SCN11A: variants seen among roughly 807,000 people sequenced by gnomAD.
The protein encoded by SCN11A is sodium channel protein type 11 subunit alpha.
A neutral mutation model predicts 162.2 loss-of-function variants in SCN11A; 122 were observed. That is an observed-to-expected ratio of 0.75 (90% CI 0.65 to 0.87). The LOEUF is 0.87. SCN11A is among the 40% of genes least tolerant of loss of function. SCN11A has a pLI of 0.00. For synonymous variants in SCN11A, 758 were observed against 751.5 expected, an observed-to-expected ratio of 1.01 and a Z score of -0.14; for missense variants, 2,015 against 2,181.6, an observed-to-expected ratio of 0.92 and a Z score of 1.52.
At chr3:38,879,883 G>T in intron 23 of SCN11A, 67 bp downstream of exon 23, 1 of 1,294,228 alleles carries the variant, frequency 7.7e-7, no homozygotes, top group Non-Finnish European at 1.1e-6. Flanking sequence ...AGGAAAAGCA[G>T]CCTCCATATG....
chr3:38,849,257 CTTTTTTTTTTTTT>C (rs55781629), intron 29 of SCN11A: 13 of 69,866 alleles, frequency 1.9e-4, no homozygotes, highest in Admixed American at 1.1e-3. Context: ...TTTTCTAGCC[CTTTTTTTTTTTTT>C]TTTTTTTTTT....
At chr3:38,931,494 A>C (rs2066239880) in intron 7 of SCN11A, among the ~76,000 whole-genome samples, 1 of 152,234 alleles carries the variant, frequency 6.6e-6, no homozygotes, top group Non-Finnish European at 1.5e-5. Flanking sequence ...GGTGGAAGTG[A>C]CTGGAGACTG....
intron 9 of SCN11A, among the ~76,000 whole-genome samples, chr3:38,923,680 C>T (rs1031108637): frequency 2.0e-5 from 3 of 152,160 alleles, no homozygotes; most frequent in Admixed American, 1.3e-4. Context: ...GAGAGCACTG[C>T]CATCCCTTGC....
At chr3:38,948,785 T>C (rs988447875) in intron 5 of SCN11A, among the ~76,000 whole-genome samples, 2 of 152,228 alleles carry the variant, frequency 1.3e-5, no homozygotes, top group African/African-American at 4.8e-5. Context: ...TCTCCCGGAC[T>C]GTCAGCTGCA....
At position 38,880,094 on chromosome 3, in the gene SCN11A, T is replaced by A. The variant is rs200780813; in HGVS notation, c.3249A>T (p.Gln1083His). The change falls in exon 23 of 30, where the codon CAA becomes CAT. Residue 1083 changes from glutamine (Q) to histidine (H), a missense_variant. Coordinates refer to ENST00000302328, the MANE Select transcript of SCN11A (RefSeq NM_001349253.2). The part of the protein sequence containing the change: ...LIFEDVHLEN[Q>H]PKIQELLNCT... Reference sequence around the variant, plus strand: ...AATTTAGTAATTCTTGGATTTTGGGTTGGTTCTCAAGGTGAACATCTTCAA... The same window carrying A: ...AATTTAGTAATTCTTGGATTTTGGGATGGTTCTCAAGGTGAACATCTTCAA... 6.2e-7 allele frequency: 1 copy of A among 1,611,900 alleles called. No homozygotes were observed. Among genetic ancestry groups the A allele is most frequent in the South Asian group, 1.1e-5 (1 of 90,914 alleles).
intron 2 of SCN11A, among the ~76,000 whole-genome samples, chr3:39,007,008 G>A (rs1475849114): frequency 1.3e-5 from 2 of 151,952 alleles, no homozygotes; most frequent in Non-Finnish European, 2.9e-5. Flanking sequence ...CATAGAGAGA[G>A]AGAAAAAGAA....
Position 38,919,916 on chromosome 3 carries a change from A to G in SCN11A, c.959+19T>C. The G allele has an allele frequency of 6.3e-7, 1 of 1,594,512 alleles. No individual in the cohort carries two copies. Among genetic ancestry groups the G allele is most frequent in the Non-Finnish European group, 8.6e-7 (1 of 1,162,566 alleles). Reference sequence around the variant, plus strand: ...TAGAGGTACTCTTCTTGGGAGGAAAATGATTATAAACCTCTTACCTGTTAC... The same window carrying G: ...TAGAGGTACTCTTCTTGGGAGGAAAGTGATTATAAACCTCTTACCTGTTAC... On this transcript the variant is annotated intron_variant, in intron 11 of 29. Transcript: ENST00000302328.
intron 2 of SCN11A, among the ~76,000 whole-genome samples, chr3:39,026,413 G>A (rs1184496693): frequency 2.0e-5 from 3 of 152,134 alleles, no homozygotes; most frequent in South Asian, 2.1e-4. Context: ...CAACCTCGCC[G>A]GGTCGTGGGA....
chr3:38,919,436 A>G (rs927559855), intron 11 of SCN11A, among the ~76,000 whole-genome samples: 1 of 152,258 alleles, frequency 6.6e-6, no homozygotes, highest in Non-Finnish European at 1.5e-5. Context: ...GCTAACCTGA[A>G]GGAAAAAAGA....
intron 17 of SCN11A, among the ~76,000 whole-genome samples, chr3:38,899,575 G>GA (rs1017613034): frequency 6.6e-6 from 1 of 151,964 alleles, no homozygotes; most frequent in South Asian, 2.1e-4. Context: ...AGCTCCATGG[G>GA]AAAAAAAGAG....
chr3:38,952,264 T>C (rs1302514119), intron 4 of SCN11A, among the ~76,000 whole-genome samples: 4 of 152,170 alleles, frequency 2.6e-5, no homozygotes, highest in Non-Finnish European at 5.9e-5. Flanking sequence ...TACTCTACCA[T>C]AGGATAATAG....
chr3:39,034,381 A>G (rs2031846932), intron 1 of SCN11A, among the ~76,000 whole-genome samples: 1 of 152,228 alleles, frequency 6.6e-6, no homozygotes, highest in Non-Finnish European at 1.5e-5. Flanking sequence ...ATGCTGAGAA[A>G]GCATTTGATA....
Position 38,909,295 on chromosome 3 carries a change from C to T in SCN11A, c.1102-101G>A. Reference sequence around the variant, plus strand: ...CACACAGTAGCAGACAACTGGTCTTCCCCCAGCACTGGTGGGCTCAGTTGA... The same window carrying T: ...CACACAGTAGCAGACAACTGGTCTTTCCCCAGCACTGGTGGGCTCAGTTGA... On this transcript the variant is annotated intron_variant, in intron 12 of 29. Transcript: ENST00000302328. 5 of 1,059,388 alleles carry T rather than the reference C, an allele frequency of 4.7e-6. No individual in the cohort carries two copies. In the South Asian group the frequency reaches 7.2e-5, roughly 15 times the overall value. 65.6% of individuals were successfully genotyped at this position (1,059,388 alleles called of 1,614,324 possible).
chr3:38,853,463 C>T (rs1239441484), intron 28 of SCN11A, among the ~76,000 whole-genome samples: 3 of 152,296 alleles, frequency 2.0e-5, no homozygotes, highest in African/African-American at 7.2e-5. Flanking sequence ...TTATCATTAA[C>T]CCTGTGGTCA....
At chr3:38,995,615 C>G (rs541615227) in intron 2 of SCN11A, among the ~76,000 whole-genome samples, 19 of 152,254 alleles carry the variant, frequency 1.2e-4, no homozygotes, top group Admixed American at 1.0e-3. Context: ...CCTGTTTGAG[C>G]TGGGACCTCA....
chr3:39,024,439 G>A (rs2031534406), intron 2 of SCN11A, among the ~76,000 whole-genome samples: 1 of 152,122 alleles, frequency 6.6e-6, no homozygotes, highest in South Asian at 2.1e-4. Flanking sequence ...CATCTTTATG[G>A]CCAGTGTTGG....
intron 2 of SCN11A, among the ~76,000 whole-genome samples, chr3:38,961,735 GT>G (rs922814712): frequency 1.3e-5 from 2 of 152,074 alleles, no homozygotes; most frequent in Admixed American, 6.5e-5. Context: ...GATTGTTTGG[GT>G]TTTTTTTGTT....
At position 39,015,458 on chromosome 3, in the gene SCN11A, T is replaced by A. The variant is rs574539272; in HGVS notation, c.-280+16922A>T. ...ACGACTGAAAAAAGAGACTGACTTA[T>A]GGCCATAGGATGATCATCTTGAAGC... On this transcript the variant is annotated intron_variant, in intron 2 of 29. Transcript: ENST00000302328. Among the ~76,000 whole-genome samples the A allele has an allele frequency of 2.6e-5, 4 of 152,326 alleles. No individual in the cohort carries two copies. The South Asian group carries it at 8.3e-4, about 32-fold the overall frequency.
intron 2 of SCN11A, among the ~76,000 whole-genome samples, chr3:38,980,584 G>C (rs2029994118): frequency 6.6e-6 from 1 of 152,224 alleles, no homozygotes; most frequent in African/African-American, 2.4e-5. Context: ...GGGAGGATAA[G>C]GAAAGATATG....
Sources: allele counts gnomAD v4.1 joint callset (sites outside exome capture counted in the v4.1 genomes callset), GRCh38; gene constraint gnomAD v4.1.1; transcripts MANE v1.5; gene names NCBI Gene and HGNC (gene_info 2026-07-23, HGNC 2026-07-21).